RNGTT: variants seen among roughly 807,000 people sequenced by gnomAD.
RNGTT encodes the protein RNA guanylyltransferase and 5'-phosphatase.
Under a neutral mutation model 79.3 loss-of-function variants are expected in RNGTT, and 33 were observed. The observed-to-expected ratio is 0.42, with a 90% CI of 0.32 to 0.56. The LOEUF (loss-of-function observed/expected upper bound fraction) is 0.56, where lower values mean the gene tolerates loss of function less well. Ranked by LOEUF, RNGTT falls within the 20% of genes least tolerant of loss-of-function variation. RNGTT has a pLI of 0.17. For synonymous variants in RNGTT, 222 were observed against 235.9 expected (o/e 0.94, Z 0.54); for missense variants, 497 against 739.1 (o/e 0.67, Z 3.80).
At position 88,844,503 on chromosome 6, in the gene RNGTT, A is replaced by T; in HGVS notation, c.1123T>A (p.Cys375Ser). The T allele has an allele frequency of 6.2e-7, 1 of 1,610,154 alleles. No individual in the cohort carries two copies. The highest frequency in any genetic ancestry group is 1.3e-5 in the African/African-American group (1 of 74,830). ...CACTGCAGACGAACATTAAAATCAC[A>T]ATCTCCAACGGGCTGTGACTGAATT... ...IKFNSQPVGD[C>S]DFNVRLQCIE... Residue 375 changes from cysteine to serine, a missense_variant, in exon 11 of 16, where the codon TGT (cysteine) becomes AGT (serine). Cys to Ser is a moderately radical substitution (Grantham distance 112, BLOSUM62 -1). This residue lies in a region of RNGTT where 440 missense variants were observed against 671.5 expected (regional missense o/e 0.66). Transcript: ENST00000369485.
At chr6:88,853,847 T>C (rs1278782021) in intron 8 of RNGTT, 83 bp from the exon 9 acceptor site, 2 of 804,668 alleles carry the variant, frequency 2.5e-6, no homozygotes, top group Non-Finnish European at 3.9e-6. Flanking sequence ...TGGTTTTCCA[T>C]AGACCTTAAA....
intron 13 of RNGTT, among the ~76,000 whole-genome samples, chr6:88,704,573 A>AT (rs1332547418): frequency 2.6e-5 from 4 of 152,044 alleles, no homozygotes; most frequent in Non-Finnish European, 5.9e-5. Context: ...TAGCATCTTA[A>AT]TTTTTTTCCA....
intron 14 of RNGTT, among the ~76,000 whole-genome samples, chr6:88,621,731 C>G (rs1772449912): frequency 6.6e-6 from 1 of 151,848 alleles, no homozygotes; most frequent in Non-Finnish European, 1.5e-5. Flanking sequence ...CCCAACAGAC[C>G]AGATTAAAAA....
At chr6:88,641,201 C>T (rs1393053049) in intron 14 of RNGTT, among the ~76,000 whole-genome samples, 2 of 151,758 alleles carry the variant, frequency 1.3e-5, no homozygotes, top group Admixed American at 6.6e-5. Context: ...TAGCCAGGCA[C>T]GGTGGCGGGC....
intron 11 of RNGTT, among the ~76,000 whole-genome samples, chr6:88,837,720 T>C (rs926620764): frequency 2.0e-5 from 3 of 152,042 alleles, no homozygotes; most frequent in African/African-American, 7.2e-5. Flanking sequence ...AAAAAAATAG[T>C]ATTCGATCTA....
At chr6:88,667,992 G>C (rs73752994) in intron 14 of RNGTT, among the ~76,000 whole-genome samples, 1 of 152,044 alleles carries the variant, frequency 6.6e-6, no homozygotes, top group African/African-American at 2.4e-5. Context: ...CCCATATTAC[G>C]AGGACTTCCA....
At chr6:88,614,232 G>C in intron 15 of RNGTT, 40 bp downstream of exon 15, 1 of 1,601,406 alleles carries the variant, frequency 6.2e-7, no homozygotes, top group Non-Finnish European at 8.5e-7. Flanking sequence ...CTTAATTTTT[G>C]TTTTAAATAT....
chr6:88,929,406 A>C (rs888993020), intron 2 of RNGTT, 139 bp from the exon 3 acceptor site: 1 of 564,222 alleles, frequency 1.8e-6, no homozygotes, highest in African/African-American at 1.9e-5. Context: ...TGAACAATTG[A>C]TAATAAAAGT....
chr6:88,776,110 C>T (rs1778868971), intron 12 of RNGTT, among the ~76,000 whole-genome samples: 1 of 152,110 alleles, frequency 6.6e-6, no homozygotes, highest in African/African-American at 2.4e-5. Flanking sequence ...GAGGAGCCTC[C>T]ATACTGTTTT....
chr6:88,677,124 G>A (rs1347396495), intron 14 of RNGTT, among the ~76,000 whole-genome samples: 2 of 152,170 alleles, frequency 1.3e-5, no homozygotes, highest in East Asian at 1.9e-4. Flanking sequence ...AGCGATAAGT[G>A]CAATAATGTG....
chr6:88,812,477 T>C (rs1780171783), intron 11 of RNGTT, among the ~76,000 whole-genome samples: 1 of 152,252 alleles, frequency 6.6e-6, no homozygotes, highest in Non-Finnish European at 1.5e-5. Context: ...TTAGGCATCA[T>C]TCACTCATTC....
chr6:88,676,611 G>A (rs964954286), intron 14 of RNGTT, among the ~76,000 whole-genome samples: 1 of 152,148 alleles, frequency 6.6e-6, no homozygotes, highest in African/African-American at 2.4e-5. Flanking sequence ...ACTGCTCTTT[G>A]AGGACACTGT....
At chr6:88,854,127 T>C (rs1370919906) in intron 8 of RNGTT, among the ~76,000 whole-genome samples, 6 of 151,910 alleles carry the variant, frequency 3.9e-5, no homozygotes, top group Non-Finnish European at 8.8e-5. Flanking sequence ...TTAGTAGAGA[T>C]GGGGTTTCAC....
intron 11 of RNGTT, among the ~76,000 whole-genome samples, chr6:88,805,793 G>A (rs1446506747): frequency 6.6e-6 from 1 of 152,282 alleles, no homozygotes; most frequent in South Asian, 2.1e-4. Context: ...AAAAGTACTA[G>A]AAGTATGAAA....
chr6:88,933,942 A>C (rs1784585810), intron 2 of RNGTT, among the ~76,000 whole-genome samples: 1 of 152,146 alleles, frequency 6.6e-6, no homozygotes, highest in African/African-American at 2.4e-5. Flanking sequence ...TGGCTGTACT[A>C]ATTTACGTTC....
At chr6:88,839,486 T>C (rs1781193132) in intron 11 of RNGTT, among the ~76,000 whole-genome samples, 1 of 151,956 alleles carries the variant, frequency 6.6e-6, no homozygotes, top group African/African-American at 2.4e-5. Flanking sequence ...GGGAGGATTG[T>C]TTGAGTCTGG....
intron 4 of RNGTT, among the ~76,000 whole-genome samples, chr6:88,922,684 C>A (rs1019528737): frequency 6.6e-6 from 1 of 152,062 alleles, no homozygotes; most frequent in Admixed American, 6.6e-5. Context: ...TCCGCCACCA[C>A]GCCCAGCTAA....
chr6:88,932,140 T>C (rs1420324717), intron 2 of RNGTT, among the ~76,000 whole-genome samples: 4 of 152,144 alleles, frequency 2.6e-5, no homozygotes. Context: ...AAAGAATGTA[T>C]TCCCAGGAGT....
At chr6:88,835,975 A>AACACACACACACACAC (rs72228554) in intron 11 of RNGTT, among the ~76,000 whole-genome samples, 192 of 113,752 alleles carry the variant, frequency 1.7e-3, no homozygotes, top group Non-Finnish European at 2.7e-3. Context: ...CTCTATTAAA[A>AACACACACACACACAC]ACACACACAC....
Sources: gnomAD v4.1 joint callset for allele counts (sites outside exome capture counted in the v4.1 genomes callset) on GRCh38, gnomAD v4.1.1 for gene constraint, gnomAD v4.1.1 regional missense constraint, MANE v1.5 for transcripts, NCBI Gene and HGNC (gene_info 2026-07-23, HGNC 2026-07-21) for gene names.